DCDC2C: variants seen among roughly 807,000 people sequenced by gnomAD.
The protein encoded by DCDC2C is doublecortin domain-containing protein 2C.
A neutral mutation model predicts 45.0 loss-of-function variants in DCDC2C; 44 were observed. The ratio of observed to expected loss-of-function variants is 0.98; its 90% confidence interval spans 0.77 to 1.26. DCDC2C has a LOEUF of 1.26. Among genes scored for constraint, DCDC2C ranks in the 50% most tolerant of loss-of-function variants. The pLI is 0.00. For missense variants in DCDC2C, 447 were observed against 468.9 expected (o/e 0.95, Z 0.43); for synonymous variants, 187 against 178.8 (o/e 1.05, Z -0.37).
At chr2:3,803,891 T>C (rs1458517553) in intron 10 of DCDC2C, among the ~76,000 whole-genome samples, 1 of 152,280 alleles carries the variant, frequency 6.6e-6, no homozygotes, top group African/African-American at 2.4e-5. Flanking sequence ...TACCCTTGCA[T>C]GCAGGTGACT....
At chr2:3,800,432 T>C (rs575839101) in intron 10 of DCDC2C, among the ~76,000 whole-genome samples, 1 of 152,348 alleles carries the variant, frequency 6.6e-6, no homozygotes, top group South Asian at 2.1e-4. Flanking sequence ...CAAATTTTAT[T>C]GTTCAACCCA....
At chr2:3,811,097 T>G (rs1186645172) in intron 10 of DCDC2C, among the ~76,000 whole-genome samples, 1 of 152,178 alleles carries the variant, frequency 6.6e-6, no homozygotes, top group South Asian at 2.1e-4. Flanking sequence ...CTTAAAATAG[T>G]TTTTTCTAAT....
chr2:3,736,215 A>C (rs769876339), intron 3 of DCDC2C, among the ~76,000 whole-genome samples: 1 of 152,196 alleles, frequency 6.6e-6, no homozygotes, highest in Non-Finnish European at 1.5e-5. Flanking sequence ...TAATACCCCA[A>C]TCCAGGAGAA....
At chr2:3,812,530 G>A (rs111870152) in intron 10 of DCDC2C, among the ~76,000 whole-genome samples, 1 of 151,762 alleles carries the variant, frequency 6.6e-6, no homozygotes, top group African/African-American at 2.4e-5. Context: ...TCAAAAAACC[G>A]GCTCCTGGAT....
At chr2:3,773,807 C>T (rs952285816) in intron 8 of DCDC2C, among the ~76,000 whole-genome samples, 1 of 152,224 alleles carries the variant, frequency 6.6e-6, no homozygotes, top group Non-Finnish European at 1.5e-5. Flanking sequence ...CTTCATCCTT[C>T]CCCAGGTGGT....
intron 4 of DCDC2C, among the ~76,000 whole-genome samples, chr2:3,748,644 A>G (rs547184509): frequency 2.0e-5 from 3 of 152,282 alleles, no homozygotes; most frequent in African/African-American, 7.2e-5. Context: ...CAGACACACA[A>G]TCTGAGTGTT....
intron 10 of DCDC2C, among the ~76,000 whole-genome samples, chr2:3,836,828 C>CCGCAG (rs1672089008): frequency 6.8e-6 from 1 of 146,630 alleles, no homozygotes; most frequent in Non-Finnish European, 1.5e-5. Flanking sequence ...CGCCACTGCA[C>CCGCAG]TCCAGCCTGG....
intron 4 of DCDC2C, among the ~76,000 whole-genome samples, chr2:3,744,020 A>C (rs1466658452): frequency 6.6e-6 from 1 of 152,196 alleles, no homozygotes; most frequent in Non-Finnish European, 1.5e-5. Context: ...GACTCTAAAA[A>C]GGGAGAAGGC....
At chr2:3,767,061 G>T (rs190017459) in intron 6 of DCDC2C, among the ~76,000 whole-genome samples, 2 of 152,252 alleles carry the variant, frequency 1.3e-5, no homozygotes, top group Non-Finnish European at 2.9e-5. Flanking sequence ...TGTTGCGAGC[G>T]TGTTTAAGGT....
chr2:3,751,795 C>G (rs552972622), intron 4 of DCDC2C, among the ~76,000 whole-genome samples: 1 of 152,236 alleles, frequency 6.6e-6, no homozygotes, highest in Non-Finnish European at 1.5e-5. Flanking sequence ...AATTCTTCCT[C>G]AGTCACATCC....
At chr2:3,754,553 G>C in intron 5 of DCDC2C, 39 bp from the exon 6 acceptor site, 1 of 1,544,710 alleles carries the variant, frequency 6.5e-7, no homozygotes, top group Non-Finnish European at 8.7e-7. Flanking sequence ...ACTTAGGGCC[G>C]GGCTTTACAT....
intron 9 of DCDC2C, among the ~76,000 whole-genome samples, chr2:3,782,002 C>G (rs566812069): frequency 9.2e-5 from 14 of 152,342 alleles, no homozygotes; most frequent in Admixed American, 4.6e-4. Context: ...CCATTTTCAA[C>G]GTGCAGTTCA....
intron 4 of DCDC2C, among the ~76,000 whole-genome samples, chr2:3,745,821 C>T (rs1669344527): frequency 6.6e-6 from 1 of 152,040 alleles, no homozygotes; most frequent in African/African-American, 2.4e-5. Flanking sequence ...AGGATCCTCC[C>T]ACCTCAGCCT....
At chr2:3,807,470 T>C (rs58322719) in intron 10 of DCDC2C, among the ~76,000 whole-genome samples, 15,196 of 152,282 alleles carry the variant, frequency 0.1, 1,037 homozygotes, top group East Asian at 0.29. Context: ...CTTTCAATAC[T>C]TGTAATAATT....
At position 3,741,904 on chromosome 2, in the gene DCDC2C, C is replaced by T. The variant is rs557431849; in HGVS notation, c.417-16C>T. On this transcript the variant is annotated splice_polypyrimidine_tract_variant and intron_variant, in intron 3 of 10. Transcript: ENST00000399143. ...ACTTAAGGTATTAATGGATGCTTTT[C>T]TTTTTATTCTTACAGTGTTTTTACA... The T allele has an allele frequency of 7.8e-6, 12 of 1,538,218 alleles. No individual in the cohort carries two copies. Among genetic ancestry groups the T allele is most frequent in the Middle Eastern group, 1.7e-4 (1 of 5,958 alleles).
intron 10 of DCDC2C, among the ~76,000 whole-genome samples, chr2:3,807,503 T>A (rs1671282400): frequency 6.6e-6 from 1 of 152,186 alleles, no homozygotes; most frequent in South Asian, 2.1e-4. Flanking sequence ...ATGATTCTCA[T>A]ATGCAGGAGA....
intron 6 of DCDC2C, among the ~76,000 whole-genome samples, chr2:3,763,466 G>A (rs775066415): frequency 6.6e-6 from 1 of 152,158 alleles, no homozygotes; most frequent in Non-Finnish European, 1.5e-5. Context: ...GTAACTGAAG[G>A]CTCCTTGCCC....
intron 2 of DCDC2C, among the ~76,000 whole-genome samples, chr2:3,712,980 G>A (rs1241663042): frequency 2.0e-5 from 3 of 152,176 alleles, no homozygotes; most frequent in Non-Finnish European, 4.4e-5. Context: ...TGTGAGTGAG[G>A]CAGAGCAGGC....
At chr2:3,809,943 A>C (rs930802108) in intron 10 of DCDC2C, among the ~76,000 whole-genome samples, 2 of 152,202 alleles carry the variant, frequency 1.3e-5, no homozygotes, top group African/African-American at 4.8e-5. Context: ...TTATGGCTGC[A>C]TAGTATTCCT....
Sources: allele counts gnomAD v4.1 joint callset (sites outside exome capture counted in the v4.1 genomes callset), GRCh38; gene constraint gnomAD v4.1.1; transcripts MANE v1.5; gene names NCBI Gene and HGNC (gene_info 2026-07-23, HGNC 2026-07-21).